Variants in PLXNC1 observed in about 807,000 individuals in gnomAD.
PLXNC1 encodes the protein plexin C1, also known as plexin-C1.
A neutral mutation model predicts 178.2 loss-of-function variants in PLXNC1; 75 were observed. The ratio of observed to expected loss-of-function variants is 0.42; its 90% CI spans 0.35 to 0.51. The LOEUF is 0.51. Among genes scored for constraint, PLXNC1 ranks in the 20% least tolerant of loss-of-function variants. PLXNC1 has a pLI of 0.02. For synonymous variants in PLXNC1, 790 were observed against 779.9 expected, an observed-to-expected ratio of 1.01 and a Z score of -0.22; for missense variants, 1,503 against 1,984.4, an observed-to-expected ratio of 0.76 and a Z score of 4.61.
intron 4 of PLXNC1, among the ~76,000 whole-genome samples, chr12:94,203,287 G>A (rs2135992933): frequency 6.6e-6 from 1 of 152,344 alleles, no homozygotes; most frequent in East Asian, 1.9e-4. Flanking sequence ...AAAGCTGGAA[G>A]ATGGTACATC....
chr12:94,207,849 C>CTTAG (rs1963345972), intron 4 of PLXNC1, among the ~76,000 whole-genome samples: 1 of 152,026 alleles, frequency 6.6e-6, no homozygotes, highest in African/African-American at 2.4e-5. Flanking sequence ...TTTTGGCAGC[C>CTTAG]TTAGGCTTTG....
intron 12 of PLXNC1, among the ~76,000 whole-genome samples, 162 bp downstream of exon 12, chr12:94,244,187 A>C (rs1592803802): frequency 1.3e-5 from 2 of 152,364 alleles, no homozygotes. Context: ...GGAAATAATA[A>C]GACCTTATCC....
intron 9 of PLXNC1, among the ~76,000 whole-genome samples, chr12:94,231,033 A>G (rs1301598836): frequency 1.3e-5 from 2 of 152,208 alleles, no homozygotes; most frequent in African/African-American, 2.4e-5. Context: ...TAAAAATACA[A>G]GATTTTAAAA....
In PLXNC1 at chr12:94,290,495, A is replaced by AGCCGGCCCCT. The variant is rs1555210621; in HGVS notation, c.3880-3987_3880-3978dup. 3.0e-3 allele frequency among the ~76,000 whole-genome samples: 462 copies of AGCCGGCCCCT among 152,352 alleles called. 4 individuals carry two copies. The highest frequency in any genetic ancestry group is 0.01 in the African/African-American group (433 of 41,590). The stretch of plus-strand genomic sequence containing the variant: ...CACTTTGCAGAGGCCTGATGGCCCC[A>AGCCGGCCCCT]GCCGGCCCCTGCCCAGTGCTGCCCC... On this transcript the variant is annotated intron_variant, in intron 23 of 30. Transcript: ENST00000258526.
At chr12:94,173,369 A>T (rs193018842) in intron 2 of PLXNC1, among the ~76,000 whole-genome samples, 71 of 152,350 alleles carry the variant, frequency 4.7e-4, no homozygotes, top group African/African-American at 1.7e-3. Context: ...GTAAGTAATA[A>T]CAGAATATGC....
rs199927438 is a variant in PLXNC1, at chr12:94,212,319, AATT to A, written c.1554+2622_1554+2624del. On this transcript the variant is annotated intron_variant, in intron 5 of 30. Coordinates refer to ENST00000258526, the MANE Select transcript of PLXNC1 (RefSeq NM_005761.3). ...AAAAATAGAAAAGACACAGAAATAA[AATT>A]ATTATTGTTATTATTTATTATACTT... 5.0e-3 allele frequency among the ~76,000 whole-genome samples: 754 copies of A among 151,718 alleles called. 7 individuals are homozygous for A. Among genetic ancestry groups the A allele is most frequent in the African/African-American group, 0.016 (669 of 41,364 alleles).
At chr12:94,193,027 G>T (rs1268325578) in intron 4 of PLXNC1, among the ~76,000 whole-genome samples, 1 of 152,146 alleles carries the variant, frequency 6.6e-6, no homozygotes, top group African/African-American at 2.4e-5. Context: ...CCTGGAGGAA[G>T]GGATATCTAA....
In PLXNC1 at chr12:94,209,650, G is replaced by T. The variant is rs369096323; in HGVS notation, c.1500G>T (p.Ser500=). 3.1e-6 allele frequency: 5 copies of T among 1,613,392 alleles called. No homozygotes were observed. Among genetic ancestry groups the T allele is most frequent in the African/African-American group, 1.3e-5 (1 of 74,868 alleles). The change falls in exon 5 of 31, where the codon TCG becomes TCT. Residue 500 remains serine, a synonymous_variant. Transcript: ENST00000258526. ...ACTTAGAAAACTGGCTGGATATTTC[G>T]TCTGGAGCAAAAAAGTGCCCTAAAA... ...SENLENWLDI[S]SGAKKCPKIQ...
chr12:94,189,713 G>A (rs1962651857), intron 4 of PLXNC1, among the ~76,000 whole-genome samples: 1 of 152,016 alleles, frequency 6.6e-6, no homozygotes, highest in African/African-American at 2.4e-5. Context: ...CTAGAGAATT[G>A]GAAAGGGGAA....
chr12:94,297,079 C>CAAGT, intron 24 of PLXNC1, 110 bp from the exon 25 acceptor site: 1 of 1,029,566 alleles, frequency 9.7e-7, no homozygotes, highest in South Asian at 1.4e-5. Flanking sequence ...TCAAAAAGCT[C>CAAGT]AAGTAACTTC....
chr12:94,273,302 C>G (rs1012299316), intron 21 of PLXNC1, among the ~76,000 whole-genome samples: 4 of 152,088 alleles, frequency 2.6e-5, no homozygotes, highest in Non-Finnish European at 4.4e-5. Flanking sequence ...GGGAGGCAGG[C>G]CTGGGCTACA....
chr12:94,278,626 G>A (rs1966171137), intron 21 of PLXNC1, among the ~76,000 whole-genome samples: 1 of 152,180 alleles, frequency 6.6e-6, no homozygotes, highest in Non-Finnish European at 1.5e-5. Flanking sequence ...ATGAGGGCTG[G>A]GGAAACCATC....
At position 94,259,585 on chromosome 12, in the gene PLXNC1, CTATAT is replaced by C. The variant is rs1339729837; in HGVS notation, c.3127-24_3127-20del. The stretch of plus-strand genomic sequence containing the variant: ...AACTTATATATGATTTTGTATTATA[CTATAT>C]ATTTTTTTCTTTTTATCAGAACAGA... On this transcript the variant is annotated intron_variant, in intron 18 of 30. Transcript: ENST00000258526. The C allele has an allele frequency of 2.0e-6, 3 of 1,508,938 alleles. No individual in the cohort carries two copies. Among genetic ancestry groups the C allele is most frequent in the Non-Finnish European group, 1.8e-6 (2 of 1,116,324 alleles). 93.5% of individuals were successfully genotyped at this position (1,508,938 alleles called of 1,614,324 possible).
intron 20 of PLXNC1, 97 bp from the exon 21 acceptor site, chr12:94,264,982 G>A (rs1965158634): frequency 2.4e-6 from 3 of 1,236,552 alleles, no homozygotes; most frequent in Non-Finnish European, 1.1e-6. Context: ...AGAAAACCCT[G>A]TCTCCTGCCT....
chr12:94,300,876 C>G (rs756899910), intron 27 of PLXNC1, 34 bp from the exon 28 acceptor site: 5 of 1,589,380 alleles, frequency 3.1e-6, no homozygotes, highest in Non-Finnish European at 2.6e-6. Context: ...ATGAATGGCC[C>G]TATTTGAAAA....
chr12:94,252,910 T>C (rs1230526849), intron 15 of PLXNC1, among the ~76,000 whole-genome samples: 2 of 152,178 alleles, frequency 1.3e-5, no homozygotes, highest in African/African-American at 4.8e-5. Flanking sequence ...GGAACTCTTA[T>C]CCACCAACAA....
At chr12:94,280,779 C>T (rs564374380) in intron 22 of PLXNC1, among the ~76,000 whole-genome samples, 17 of 152,318 alleles carry the variant, frequency 1.1e-4, no homozygotes, top group Non-Finnish European at 1.8e-4. Flanking sequence ...ATACCCCGCC[C>T]GACAGTCTTG....
At chr12:94,211,894 A>G (rs1329067113) in intron 5 of PLXNC1, among the ~76,000 whole-genome samples, 1 of 152,382 alleles carries the variant, frequency 6.6e-6, no homozygotes, top group African/African-American at 2.4e-5. Flanking sequence ...GCAAAAATAT[A>G]GAAGAATTCA....
intron 1 of PLXNC1, among the ~76,000 whole-genome samples, chr12:94,156,296 T>G (rs1961163712): frequency 6.6e-6 from 1 of 152,202 alleles, no homozygotes; most frequent in Non-Finnish European, 1.5e-5. Context: ...TCAAGGCAGC[T>G]TAAAGGAGCT....
Sources: gnomAD v4.1 joint callset for allele counts (sites outside exome capture counted in the v4.1 genomes callset) on GRCh38, gnomAD v4.1.1 for gene constraint, MANE v1.5 for transcripts, NCBI Gene and HGNC (gene_info 2026-07-23, HGNC 2026-07-21) for gene names.